The following SLIT3 variants were observed in gnomAD, a reference collection of about 807,000 sequenced individuals.
The protein encoded by SLIT3 is slit homolog 3 protein.
SLIT3 carries 68 observed loss-of-function variants against 184.0 expected under a neutral mutation model. That is an observed-to-expected ratio of 0.37 (90% CI 0.30 to 0.45). The LOEUF is 0.45. SLIT3 is among the 20% of genes least tolerant of loss of function. SLIT3 has a pLI of 1.00. For missense variants in SLIT3, 1,707 were observed against 2,026.0 expected, an observed-to-expected ratio of 0.84 and a Z score of 3.02; for synonymous variants, 831 against 828.6, an observed-to-expected ratio of 1.00 and a Z score of -0.05.
intron 2 of SLIT3, among the ~76,000 whole-genome samples, chr5:169,245,999 CTT>C (rs1462234853): frequency 1.3e-5 from 2 of 152,174 alleles, no homozygotes; most frequent in Non-Finnish European, 2.9e-5. Context: ...CTATAGAAGA[CTT>C]TGGGCCATGG....
At chr5:169,262,811 C>T (rs1716445329) in intron 1 of SLIT3, among the ~76,000 whole-genome samples, 1 of 152,206 alleles carries the variant, frequency 6.6e-6, no homozygotes, top group Non-Finnish European at 1.5e-5. Context: ...TTCATTGGCA[C>T]ATATGTTCCT....
At chr5:168,947,086 A>T (rs1286318908) in intron 4 of SLIT3, among the ~76,000 whole-genome samples, 1 of 152,216 alleles carries the variant, frequency 6.6e-6, no homozygotes, top group Non-Finnish European at 1.5e-5. Context: ...TGAGAAAGTC[A>T]GTATTGTCTA....
intron 29 of SLIT3, among the ~76,000 whole-genome samples, chr5:168,691,147 T>C (rs1177124657): frequency 6.6e-6 from 1 of 152,184 alleles, no homozygotes. Flanking sequence ...CCTAGGTCCA[T>C]GGCAAGGGCC....
intron 16 of SLIT3, among the ~76,000 whole-genome samples, chr5:168,758,206 T>C (rs1042201953): frequency 3.9e-5 from 6 of 152,190 alleles, no homozygotes; most frequent in African/African-American, 1.2e-4. Context: ...TGGGAGTTGG[T>C]TGACACTTAT....
intron 4 of SLIT3, among the ~76,000 whole-genome samples, chr5:169,167,880 T>C (rs1762692702): frequency 6.6e-6 from 1 of 152,242 alleles, no homozygotes; most frequent in Admixed American, 6.5e-5. Context: ...CCACTGGCCA[T>C]ATGCCAGCAA....
chr5:168,926,635 A>G (rs564939381), intron 4 of SLIT3, among the ~76,000 whole-genome samples: 1 of 152,368 alleles, frequency 6.6e-6, no homozygotes, highest in Admixed American at 6.5e-5. Flanking sequence ...TCATTGCTTA[A>G]AAGATAAATC....
At chr5:168,992,868 T>C (rs1465415645) in intron 4 of SLIT3, 1 of 152,202 alleles carries the variant, frequency 6.6e-6, no homozygotes, top group Non-Finnish European at 1.5e-5. Context: ...CATTTCCGTT[T>C]TCATGTAGGT....
intron 1 of SLIT3, among the ~76,000 whole-genome samples, chr5:169,257,091 G>A (rs1249594948): frequency 2.6e-5 from 4 of 152,116 alleles, no homozygotes; most frequent in African/African-American, 9.7e-5. Context: ...ACCAGCCTGA[G>A]CATACAGATA....
Position 168,666,479 on chromosome 5 carries a change from T to C in SLIT3, c.4547A>G (p.Glu1516Gly). Residue 1516 changes from glutamate (E) to glycine (G), a missense_variant, in exon 36 of 36, where the codon GAG becomes GGG. By Grantham distance (98) the Glu-to-Gly change is moderately conservative. Coordinates refer to ENST00000519560, the MANE Select transcript of SLIT3 (RefSeq NM_003062.4). ...SFVEEVERHL[E>G]CGCLACS is the part of the protein sequence containing the mutation. Reference sequence around the variant, plus strand: ...TTAGGAACACGCGAGGCAGCCGCACTCTAAGTGTCTCTCCACCTCTTCTAC... The same window carrying C: ...TTAGGAACACGCGAGGCAGCCGCACCCTAAGTGTCTCTCCACCTCTTCTAC... 1.3e-6 allele frequency: 2 copies of C among 1,591,964 alleles called. No homozygotes were observed. Among genetic ancestry groups the C allele is most frequent in the Non-Finnish European group, 1.7e-6 (2 of 1,166,858 alleles).
rs114808811 is a variant in SLIT3 at position 168,954,630 on chromosome 5, C to G, written c.414-71294G>C. On this transcript the variant is annotated intron_variant, in intron 4 of 35. Transcript: ENST00000519560. Reference sequence around the variant, plus strand: ...AGTAACACGTGAAGAAAGGATGTAGCCTTTCCAACGTCATTTGAAGCCAAG... The same window carrying G: ...AGTAACACGTGAAGAAAGGATGTAGGCTTTCCAACGTCATTTGAAGCCAAG... Among the ~76,000 whole-genome samples the G allele has an allele frequency of 2.8e-3, 423 of 152,280 alleles. 2 individuals carry two copies. Among genetic ancestry groups the G allele is most frequent in the African/African-American group, 9.8e-3 (406 of 41,554 alleles).
chr5:168,856,813 G>GCA (rs1758895928), intron 5 of SLIT3, among the ~76,000 whole-genome samples: 2 of 151,222 alleles, frequency 1.3e-5, no homozygotes, highest in Admixed American at 6.6e-5. Context: ...GTGTGCGCGC[G>GCA]CGCGCACGCC....
intron 3 of SLIT3, among the ~76,000 whole-genome samples, chr5:169,203,017 G>A (rs764050093): frequency 2.0e-4 from 30 of 152,266 alleles, no homozygotes; most frequent in Middle Eastern, 3.4e-3. Context: ...CAGGAGAAAC[G>A]AAGGGGGTGA....
At chr5:169,203,316 G>A (rs148436464) in intron 3 of SLIT3, among the ~76,000 whole-genome samples, 5 of 150,190 alleles carry the variant, frequency 3.3e-5, no homozygotes, top group African/African-American at 1.2e-4. Flanking sequence ...ATCTAGGGTG[G>A]AAGAAAGCAC....
chr5:168,834,206 G>A (rs1389327432), intron 6 of SLIT3, among the ~76,000 whole-genome samples: 1 of 152,178 alleles, frequency 6.6e-6, no homozygotes, highest in Non-Finnish European at 1.5e-5. Flanking sequence ...GCTCAGGCAG[G>A]GGAGTGATTT....
chr5:169,071,050 C>T (rs1445002979), intron 4 of SLIT3, among the ~76,000 whole-genome samples: 2 of 152,132 alleles, frequency 1.3e-5, no homozygotes, highest in East Asian at 1.9e-4. Context: ...CTCAAACCTG[C>T]CTCAGTTTTC....
intron 4 of SLIT3, among the ~76,000 whole-genome samples, chr5:169,189,368 C>T (rs1257417009): frequency 2.0e-5 from 3 of 151,580 alleles, no homozygotes; most frequent in Non-Finnish European, 4.4e-5. Context: ...TGTACTGAGT[C>T]CCAGTTCCAT....
rs10035339 is a variant in SLIT3, at chr5:169,010,093, G to C, written c.414-126757C>G. ...GGCAAACGAGGGTTTGTGGGAAAAA[G>C]CATAGCTGGGTGCTTTGCAAAGGGG... On this transcript the variant is annotated intron_variant, in intron 4 of 35. Coordinates refer to ENST00000519560, the MANE Select transcript of SLIT3 (RefSeq NM_003062.4). Among the ~76,000 whole-genome samples, 401 of 152,304 alleles carry C rather than the reference G, an allele frequency of 2.6e-3. 3 individuals carry two copies. Among genetic ancestry groups the C allele is most frequent in the African/African-American group, 9.2e-3 (383 of 41,564 alleles).
chr5:168,825,132 T>G (rs756694642), intron 6 of SLIT3, among the ~76,000 whole-genome samples: 18 of 152,194 alleles, frequency 1.2e-4, no homozygotes, highest in Non-Finnish European at 1.3e-4. Flanking sequence ...GGTAAAAGGC[T>G]TAGCATGGGG....
intron 4 of SLIT3, among the ~76,000 whole-genome samples, chr5:168,945,154 A>G (rs545578803): frequency 6.6e-6 from 1 of 152,322 alleles, no homozygotes; most frequent in African/African-American, 2.4e-5. Context: ...CTGATAACAT[A>G]TCAGGGAGTT....
Sources: allele counts gnomAD v4.1 joint callset (sites outside exome capture counted in the v4.1 genomes callset), GRCh38; gene constraint gnomAD v4.1.1; transcripts MANE v1.5; gene names NCBI Gene and HGNC (gene_info 2026-07-23, HGNC 2026-07-21).